Variants in CORO2A observed in about 807,000 individuals in gnomAD.
CORO2A encodes coronin-2A.
CORO2A carries 47 observed loss-of-function variants against 62.4 expected under a neutral mutation model. The observed-to-expected ratio is 0.75, with a 90% CI of 0.60 to 0.96. CORO2A has a LOEUF of 0.96. Among genes scored for constraint, CORO2A ranks in the 40% least tolerant of loss-of-function variants. The pLI is 0.00. For synonymous variants in CORO2A, 273 were observed against 268.9 expected, an observed-to-expected ratio of 1.02 and a Z score of -0.15; for missense variants, 610 against 684.1, an observed-to-expected ratio of 0.89 and a Z score of 1.21.
chr9:98,150,474 TTAGAGCCTCA>T (rs1802327570), intron 2 of CORO2A, among the ~76,000 whole-genome samples: 2 of 152,150 alleles, frequency 1.3e-5, no homozygotes, highest in African/African-American at 4.8e-5. Context: ...TACTCTCCCT[TTAGAGCCTCA>T]AGTGGCTCTC....
At chr9:98,164,236 C>T (rs563771300) in intron 1 of CORO2A, among the ~76,000 whole-genome samples, 10 of 152,296 alleles carry the variant, frequency 6.6e-5, no homozygotes, top group Non-Finnish European at 1.0e-4. Context: ...GGATAAAGAA[C>T]GCTCTATGTG....
chr9:98,137,629 A>T lies in CORO2A; in HGVS notation c.261T>A (p.Asp87Glu). The stretch of plus-strand genomic sequence containing the variant: ...AATCATCAAAAGGGTTCCACTTGAC[A>T]TCCAAAACGTTGCCTCTGTGCCCGC... The part of the protein sequence containing the change: ...KVCGHRGNVL[D>E]VKWNPFDDFE... The change falls in exon 3 of 12, where the codon GAT (aspartate) becomes GAA (glutamate). Residue 87 changes from aspartate (D) to glutamate (E), a missense_variant. Transcript: ENST00000375077. 6.2e-7 allele frequency: 1 copy of T among 1,614,228 alleles called. No individual in the cohort carries two copies. The highest frequency in any genetic ancestry group is 8.5e-7 in the Non-Finnish European group (1 of 1,180,038).
chr9:98,174,444 AC>A (rs1828081900), intron 1 of CORO2A, among the ~76,000 whole-genome samples: 1 of 152,234 alleles, frequency 6.6e-6, no homozygotes, highest in African/African-American at 2.4e-5. Context: ...ACACATGTAA[AC>A]AAAAACATTA....
chr9:98,175,634 G>A (rs561330556), intron 1 of CORO2A, among the ~76,000 whole-genome samples: 1 of 152,336 alleles, frequency 6.6e-6, no homozygotes, highest in East Asian at 1.9e-4. Context: ...AAGAATGGAT[G>A]CAGAGGGGCT....
chr9:98,182,514 G>A (rs1373139835), intron 1 of CORO2A, among the ~76,000 whole-genome samples: 12 of 152,172 alleles, frequency 7.9e-5, no homozygotes, highest in African/African-American at 2.9e-4. Context: ...CAGGCCACTG[G>A]AGCATTTCTG....
chr9:98,186,067 C>A (rs1164466490), intron 1 of CORO2A, among the ~76,000 whole-genome samples: 1 of 152,224 alleles, frequency 6.6e-6, no homozygotes, highest in Non-Finnish European at 1.5e-5. Flanking sequence ...AGGGTCATGC[C>A]ATTTGCCAGG....
chr9:98,134,257 C>A (rs1461593938), intron 4 of CORO2A, among the ~76,000 whole-genome samples: 1 of 152,156 alleles, frequency 6.6e-6, no homozygotes, highest in African/African-American at 2.4e-5. Context: ...GAATTGAGGT[C>A]TCCTGTACTG....
intron 1 of CORO2A, among the ~76,000 whole-genome samples, chr9:98,173,708 A>C (rs779245732): frequency 2.6e-5 from 4 of 152,208 alleles, no homozygotes; most frequent in Non-Finnish European, 5.9e-5. Flanking sequence ...CACGTGCTTA[A>C]GATACGGGCT....
chr9:98,168,060 T>C (rs987439312), intron 1 of CORO2A, among the ~76,000 whole-genome samples: 2 of 152,270 alleles, frequency 1.3e-5, no homozygotes, highest in Non-Finnish European at 2.9e-5. Flanking sequence ...ATCTTGGCTC[T>C]AAACGGCCCT....
chr9:98,169,819 A>G (rs1828009275), intron 1 of CORO2A, among the ~76,000 whole-genome samples: 1 of 152,172 alleles, frequency 6.6e-6, no homozygotes, highest in African/African-American at 2.4e-5. Flanking sequence ...AGCTCAGGTA[A>G]GTCGCTGGGT....
intron 2 of CORO2A, among the ~76,000 whole-genome samples, chr9:98,154,800 A>G (rs2118869121): frequency 6.6e-6 from 1 of 152,308 alleles, no homozygotes; most frequent in East Asian, 1.9e-4. Context: ...GGTTTTGTAC[A>G]TTCACTTGTA....
chr9:98,161,182 C>T (rs1652299575), intron 1 of CORO2A, among the ~76,000 whole-genome samples: 1 of 152,108 alleles, frequency 6.6e-6, no homozygotes, highest in Non-Finnish European at 1.5e-5. Flanking sequence ...CTTGGTGTGG[C>T]CACAGAGGAG....
At chr9:98,160,724 G>C (rs1827873520) in intron 1 of CORO2A, among the ~76,000 whole-genome samples, 1 of 152,182 alleles carries the variant, frequency 6.6e-6, no homozygotes. Flanking sequence ...GCTGGGGGTG[G>C]CGGGAGTGCA....
At chr9:98,139,664 C>T (rs1015833645) in intron 2 of CORO2A, among the ~76,000 whole-genome samples, 7 of 151,980 alleles carry the variant, frequency 4.6e-5, no homozygotes, top group Non-Finnish European at 1.0e-4. Flanking sequence ...GGCATGGTGT[C>T]GCACACCTGT....
At chr9:98,161,148 G>T (rs898351294) in intron 1 of CORO2A, among the ~76,000 whole-genome samples, 1 of 152,216 alleles carries the variant, frequency 6.6e-6, no homozygotes, top group African/African-American at 2.4e-5. Flanking sequence ...TCCGGCCCAT[G>T]GAGATGGCAA....
intron 1 of CORO2A, among the ~76,000 whole-genome samples, chr9:98,188,291 C>A (rs1828263097): frequency 6.6e-6 from 1 of 152,220 alleles, no homozygotes; most frequent in East Asian, 1.9e-4. Context: ...CCTAACCCCT[C>A]CTATGTTCTA....
intron 2 of CORO2A, 124 bp from the exon 3 acceptor site, chr9:98,137,812 T>A: frequency 1.3e-6 from 1 of 741,780 alleles, no homozygotes. Context: ...GGTGTGAATC[T>A]AGGCCTTACT....
chr9:98,130,853 G>A (rs925208850), intron 7 of CORO2A, 102 bp downstream of exon 7: 9 of 913,230 alleles, frequency 9.9e-6, no homozygotes, highest in African/African-American at 6.7e-5. Flanking sequence ...AGTGGCCAGC[G>A]AGGCCTGCCC....
chr9:98,189,262 C>T (rs1259550775), intron 1 of CORO2A, among the ~76,000 whole-genome samples: 1 of 152,198 alleles, frequency 6.6e-6, no homozygotes, highest in African/African-American at 2.4e-5. Flanking sequence ...GTCACCTACT[C>T]CTGGCCCTTT....
Sources: allele counts gnomAD v4.1 joint callset (sites outside exome capture counted in the v4.1 genomes callset), GRCh38; gene constraint gnomAD v4.1.1; transcripts MANE v1.5; gene names NCBI Gene and HGNC (gene_info 2026-07-23, HGNC 2026-07-21).